Variants in MAP3K14 observed in about 807,000 individuals in gnomAD.
MAP3K14 encodes NF-kappa-beta-inducing kinase.
Under a neutral mutation model 99.2 loss-of-function variants are expected in MAP3K14, and 16 were observed. The observed-to-expected ratio is 0.16, with a 90% CI of 0.11 to 0.24. The LOEUF (loss-of-function observed/expected upper bound fraction) is 0.24. Among genes scored for constraint, MAP3K14 ranks in the 10% least tolerant of loss-of-function variants. MAP3K14 has a pLI of 1.00. For missense variants in MAP3K14, 784 were observed against 1,208.7 expected (o/e 0.65, Z 5.21); for synonymous variants, 462 against 492.4 (o/e 0.94, Z 0.82).
chr17:45,290,193 C>T (rs1713626343), intron 2 of MAP3K14, among the ~76,000 whole-genome samples: 1 of 152,204 alleles, frequency 6.6e-6, no homozygotes, highest in Admixed American at 6.5e-5. Context: ...CTCAAGGTCA[C>T]AGCAGAAGGT....
chr17:45,310,532 G>A (rs1669984811), intron 1 of MAP3K14, among the ~76,000 whole-genome samples: 1 of 152,134 alleles, frequency 6.6e-6, no homozygotes, highest in African/African-American at 2.4e-5. Flanking sequence ...ACTTACAGGG[G>A]CCACCATCCA....
At position 45,273,497 on chromosome 17, in the gene MAP3K14, C is replaced by T; in HGVS notation, c.1657+6G>A. ...GGGGGGCACGGCAGTTGGTGGGGGG[C>T]CTTACCTGTGAGCAAGGACTTTCCC... On this transcript the variant is annotated splice_donor_region_variant and intron_variant, in intron 9 of 15. Coordinates refer to ENST00000344686, the MANE Select transcript of MAP3K14 (RefSeq NM_003954.5). The T allele has an allele frequency of 6.2e-7, 1 of 1,605,564 alleles. No individual in the cohort carries two copies. The highest frequency in any genetic ancestry group is 8.5e-7 in the Non-Finnish European group (1 of 1,174,562).
chr17:45,278,716 T>C (rs964518143), intron 6 of MAP3K14, among the ~76,000 whole-genome samples: 3 of 151,612 alleles, frequency 2.0e-5, no homozygotes, highest in Non-Finnish European at 4.4e-5. Flanking sequence ...TCTCCCTTGG[T>C]TGGCCAGGCT....
At position 45,285,812 on chromosome 17, in the gene MAP3K14, C is replaced by T. The variant is rs528793813; in HGVS notation, c.1152+619G>A. On this transcript the variant is annotated intron_variant, in intron 5 of 15. Transcript: ENST00000344686. ...CTCTATTAAAAAAAATATAGCTGGG[C>T]GTGGTGGTACACGCTTGTAGTCCCA... is the stretch of plus-strand genomic sequence containing the variant. Among the ~76,000 whole-genome samples the T allele has an allele frequency of 3.4e-3, 522 of 151,494 alleles. 5 individuals are homozygous for T. Among genetic ancestry groups the T allele is most frequent in the Non-Finnish European group, 1.4e-3 (95 of 67,884 alleles).
At position 45,297,286 on chromosome 17, in the gene MAP3K14, A is replaced by G. The variant is rs188811427; in HGVS notation, c.-20-6521T>C. 4.0e-3 allele frequency among the ~76,000 whole-genome samples: 611 copies of G among 152,304 alleles called. 1 individual carries two copies. The highest frequency in any genetic ancestry group is 6.8e-3 in the Middle Eastern group (2 of 294). ...GAGCAGTATTACTACCCATGTGGAT[A>G]TTACTACCCCTAGCATCTGCCCATC... is the stretch of plus-strand genomic sequence containing the variant. On this transcript the variant is annotated intron_variant, in intron 1 of 15. Transcript: ENST00000344686.
At chr17:45,299,444 C>G (rs959058070) in intron 1 of MAP3K14, among the ~76,000 whole-genome samples, 2 of 152,120 alleles carry the variant, frequency 1.3e-5, no homozygotes, top group Admixed American at 1.3e-4. Flanking sequence ...TACAGAACCC[C>G]CACCCTGGCC....
chr17:45,308,958 C>T lies in MAP3K14; in HGVS notation c.-21+8002G>A, dbSNP rs531007613. Reference sequence around the variant, plus strand: ...CTGGGATTACAGGTGTGAGCCACTGCGCCTGGCAATGTCCAGCTAGTTTAA... The same window carrying T: ...CTGGGATTACAGGTGTGAGCCACTGTGCCTGGCAATGTCCAGCTAGTTTAA... On this transcript the variant is annotated intron_variant, in intron 1 of 15. Transcript: ENST00000344686. 2.5e-4 allele frequency among the ~76,000 whole-genome samples: 37 copies of T among 150,836 alleles called. No homozygotes were observed. In the East Asian group the frequency reaches 5.9e-3, roughly 24 times the overall value.
chr17:45,290,728 C>T lies in MAP3K14; in HGVS notation c.18G>A (p.Met6Ile). Reference sequence around the variant, plus strand: ...CTGAGCCAGGGGCACCTGGGCAGGCCATTTCCATCACTGCCATCTCCCAGG... The same window carrying T: ...CTGAGCCAGGGGCACCTGGGCAGGCTATTTCCATCACTGCCATCTCCCAGG... Reference protein sequence around the residue: MAVMEMACPGAPGSAV... With the variant: MAVMEIACPGAPGSAV... Residue 6 changes from methionine (M) to isoleucine (I), a missense_variant, in exon 2 of 16, where the codon ATG (methionine) becomes ATA (isoleucine). Around this residue, in one of 5 missense-constraint regions of MAP3K14, gnomAD observed 188 missense variants for 313.0 expected, o/e 0.60. Coordinates refer to ENST00000344686, the MANE Select transcript of MAP3K14 (RefSeq NM_003954.5). 1 of 1,613,152 alleles carries T rather than the reference C, an allele frequency of 6.2e-7. No homozygotes were observed. The highest frequency in any genetic ancestry group is 8.5e-7 in the Non-Finnish European group (1 of 1,179,472).
chr17:45,310,323 C>T (rs867316659), intron 1 of MAP3K14, among the ~76,000 whole-genome samples: 1 of 152,128 alleles, frequency 6.6e-6, no homozygotes, highest in African/African-American at 2.4e-5. Flanking sequence ...CACGAGCCAC[C>T]GTGCCCAGCC....
Position 45,288,372 on chromosome 17 carries a change from A to T in MAP3K14, c.326+864T>A, listed in dbSNP as rs562929634. 3.0e-4 allele frequency among the ~76,000 whole-genome samples: 41 copies of T among 137,444 alleles called. 2 individuals carry two copies. In the South Asian group the frequency reaches 5.9e-3, roughly 20 times the overall value. 90.2% of individuals were successfully genotyped at this position (137,444 alleles called of 152,430 possible). A position where few individuals can be genotyped will look rare whatever the true frequency, so the allele number is the denominator to read the frequency against. On this transcript the variant is annotated intron_variant, in intron 3 of 15. Coordinates refer to ENST00000344686, the MANE Select transcript of MAP3K14 (RefSeq NM_003954.5). ...AGGGGAAGGAGCTGTTTCTAGCTTG[A>T]ACTCTTGTTTTTTTTTTTTTTTTTG...
chr17:45,270,432 C>T lies in MAP3K14; in HGVS notation c.1953G>A (p.Val651=). The T allele has an allele frequency of 6.2e-7, 1 of 1,611,900 alleles. No individual in the cohort carries two copies. The highest frequency in any genetic ancestry group is 1.1e-5 in the South Asian group (1 of 90,996). The stretch of plus-strand genomic sequence containing the variant: ...TCCTACCTTGCTGTAGTGCCCGGTT[C>T]ACCTTCCCTCCCAGCTCCGCTGCAG... ...RVSAAELGGK[V]NRALQQVGGL... is the part of the protein sequence containing the mutation. The change falls in exon 11 of 16, where the codon GTG becomes GTA. Residue 651 remains valine, a synonymous_variant. Coordinates refer to ENST00000344686, the MANE Select transcript of MAP3K14 (RefSeq NM_003954.5).
chr17:45,307,055 C>T (rs547963067), intron 1 of MAP3K14, among the ~76,000 whole-genome samples: 20 of 152,222 alleles, frequency 1.3e-4, no homozygotes, highest in South Asian at 2.1e-4. Context: ...GTTGTGAGAT[C>T]GAGACCAGCC....
chr17:45,293,115 C>T (rs721579), intron 1 of MAP3K14, among the ~76,000 whole-genome samples: 37,421 of 152,104 alleles, frequency 0.25, 5,329 homozygotes, highest in East Asian at 0.5. Context: ...GCTGGCTGAA[C>T]GAGGGACTCA....
Position 45,284,532 on chromosome 17 carries a change from T to C in MAP3K14, c.1290+280A>G, listed in dbSNP as rs147207507. On this transcript the variant is annotated intron_variant, in intron 6 of 15. Transcript: ENST00000344686. ...TCCAACCATCTTCCACGTTGGGACTTGCCCCTCAGGCCCTGGCTGTATTGA... is the reference window on the plus strand; with the variant it reads ...TCCAACCATCTTCCACGTTGGGACTCGCCCCTCAGGCCCTGGCTGTATTGA... 2.8e-4 allele frequency among the ~76,000 whole-genome samples: 43 copies of C among 152,360 alleles called. No homozygotes were observed. The East Asian group carries it at 6.6e-3, about 23-fold the overall frequency.
intron 8 of MAP3K14, 149 bp downstream of exon 8, chr17:45,273,974 T>C (rs751500637): frequency 2.2e-5 from 20 of 925,010 alleles, no homozygotes; most frequent in Non-Finnish European, 3.2e-5. Context: ...GAGAACATCA[T>C]TCCCCTTCCT....
At chr17:45,275,560 G>T (rs931124891) in intron 6 of MAP3K14, among the ~76,000 whole-genome samples, 1 of 151,276 alleles carries the variant, frequency 6.6e-6, no homozygotes, top group African/African-American at 2.4e-5. Flanking sequence ...CATCCTGGCT[G>T]CTGGCACGCT....
chr17:45,269,557 G>A (rs2044126125), intron 11 of MAP3K14, among the ~76,000 whole-genome samples: 1 of 152,146 alleles, frequency 6.6e-6, no homozygotes, highest in Non-Finnish European at 1.5e-5. Flanking sequence ...TTAGAGGGTT[G>A]GGACTTTCAT....
At chr17:45,295,964 AC>A (rs1322395413) in intron 1 of MAP3K14, among the ~76,000 whole-genome samples, 1 of 152,204 alleles carries the variant, frequency 6.6e-6, no homozygotes, top group Non-Finnish European at 1.5e-5. Context: ...GATTCTCCAT[AC>A]ACGAAAGGGA....
Position 45,267,313 on chromosome 17 carries a change from A to C in MAP3K14, c.2326+93T>G, listed in dbSNP as rs889363492. On this transcript the variant is annotated intron_variant, in intron 12 of 15. Coordinates refer to ENST00000344686, the MANE Select transcript of MAP3K14 (RefSeq NM_003954.5). The surrounding 1 kb of genome is among the most constrained non-coding windows in gnomAD (Gnocchi z 5.1). ...GAGCTGCTGGGGAAGGGGCTGGAAG[A>C]AAGCCCACACCGCAGGTAAAGAGAA... 2 of 1,443,056 alleles carry C rather than the reference A, an allele frequency of 1.4e-6. No homozygotes were observed. The highest frequency in any genetic ancestry group is 1.9e-6 in the Non-Finnish European group (2 of 1,051,096). The allele number at this position is 1,443,056 out of a possible 1,614,324, so 89.4% of individuals were successfully genotyped here.
Sources: allele counts gnomAD v4.1 joint callset (sites outside exome capture counted in the v4.1 genomes callset), GRCh38; gene constraint gnomAD v4.1.1; regional missense constraint gnomAD v4.1.1; non-coding constraint Gnocchi (gnomAD v3.1); transcripts MANE v1.5; gene names NCBI Gene and HGNC (gene_info 2026-07-23, HGNC 2026-07-21).